NCOR1: variants seen among roughly 807,000 people sequenced by gnomAD.
NCOR1 encodes the protein nuclear receptor corepressor 1.
A neutral mutation model predicts 288.1 loss-of-function variants in NCOR1; 63 were observed. The ratio of observed to expected loss-of-function variants is 0.22; its 90% CI spans 0.18 to 0.27. The LOEUF (loss-of-function observed/expected upper bound fraction) is 0.27, where lower values mean the gene tolerates loss of function less well. Among genes scored for constraint, NCOR1 ranks in the 10% least tolerant of loss-of-function variants. The pLI is 1.00. For missense variants in NCOR1, 2,397 were observed against 3,019.2 expected (o/e 0.79, Z 4.83); for synonymous variants, 1,007 against 1,065.9 (o/e 0.94, Z 1.08).
intron 42 of NCOR1, among the ~76,000 whole-genome samples, chr17:16,043,594 G>A (rs966679016): frequency 6.6e-6 from 1 of 152,164 alleles, no homozygotes; most frequent in Non-Finnish European, 1.5e-5. Context: ...CTATAAAGTA[G>A]GCTTCTTCAG....
intron 3 of NCOR1, among the ~76,000 whole-genome samples, chr17:16,174,762 A>G (rs1474526943): frequency 6.6e-6 from 1 of 152,348 alleles, no homozygotes; most frequent in African/African-American, 2.4e-5. Context: ...GAAATCTCCA[A>G]TTTAAATTAA....
rs1213293112 is a variant in NCOR1 at position 16,211,749 on chromosome 17, A to G, written c.-71+3613T>C. Among the ~76,000 whole-genome samples, 4 of 152,164 alleles carry G rather than the reference A, an allele frequency of 2.6e-5. No individual in the cohort carries two copies. The East Asian group carries it at 7.7e-4, about 29-fold the overall frequency. On this transcript the variant is annotated intron_variant, in intron 1 of 45. Transcript: ENST00000268712. ...TTTTGACCACACAAGCTACTGGGGT[A>G]GGAAAAAAATGGTAGAAGAACAGTA...
intron 20 of NCOR1, among the ~76,000 whole-genome samples, chr17:16,099,664 G>A (rs1224333696): frequency 6.6e-6 from 1 of 152,090 alleles, no homozygotes; most frequent in African/African-American, 2.4e-5. Context: ...TCCTTATTTA[G>A]ATGAGATGTT....
At chr17:16,200,495 C>CAAAAA (rs55957034) in intron 1 of NCOR1, among the ~76,000 whole-genome samples, 1 of 60,694 alleles carries the variant, frequency 1.6e-5, no homozygotes, top group Non-Finnish European at 2.8e-5. Context: ...GACTCCATCT[C>CAAAAA]AAAAAAAAAA....
At chr17:16,181,236 T>A (rs996992281) in intron 3 of NCOR1, among the ~76,000 whole-genome samples, 91 of 151,646 alleles carry the variant, frequency 6.0e-4, no homozygotes, top group Non-Finnish European at 9.4e-4. Flanking sequence ...TGTGTGTGTG[T>A]GTGTGTGTGT....
chr17:16,040,651 T>A (rs1278156729), intron 42 of NCOR1, 157 bp from the exon 43 acceptor site: 2 of 729,492 alleles, frequency 2.7e-6, no homozygotes, highest in South Asian at 3.2e-5. Flanking sequence ...TGGAAGTATT[T>A]TTTTTTTTTG....
intron 1 of NCOR1, among the ~76,000 whole-genome samples, chr17:16,212,298 C>G (rs1366184559): frequency 6.6e-6 from 1 of 151,898 alleles, no homozygotes; most frequent in African/African-American, 2.4e-5. Context: ...AAAAGATAAT[C>G]TATAGACTGA....
chr17:16,086,749 TCA>T (rs2064293929), intron 22 of NCOR1, among the ~76,000 whole-genome samples: 2 of 152,218 alleles, frequency 1.3e-5, no homozygotes, highest in African/African-American at 4.8e-5. Context: ...CTCTCGCCAA[TCA>T]CTCTTAGGGT....
chr17:16,193,693 T>A (rs1427801830), intron 2 of NCOR1, among the ~76,000 whole-genome samples: 1 of 152,066 alleles, frequency 6.6e-6, no homozygotes, highest in African/African-American at 2.4e-5. Context: ...AAAAAAGGCA[T>A]CAACAAAAAC....
intron 31 of NCOR1, among the ~76,000 whole-genome samples, chr17:16,068,848 G>C (rs1275550173): frequency 2.6e-5 from 4 of 151,722 alleles, no homozygotes; most frequent in Admixed American, 2.0e-4. Flanking sequence ...CAAGTAGCTG[G>C]GACTACAGGA....
chr17:16,057,668 T>C lies in NCOR1; in HGVS notation c.6238A>G (p.Thr2080Ala), dbSNP rs138266823. The C allele has an allele frequency of 4.3e-5, 69 of 1,613,946 alleles. No individual in the cohort carries two copies. Among genetic ancestry groups the C allele is most frequent in the Admixed American group, 2.0e-4 (12 of 59,984 alleles). ...AAAGCAGAAGGTGAGTTCTGGAATG[T>C]AGAAGTAGGAGGCTGCTGGGGAGTC... ...SQTPQQPPTS[T>A]FQNSPSALVS... The change falls in exon 40 of 46, where the codon ACA becomes GCA. Residue 2080 changes from threonine to alanine, a missense_variant. By Grantham distance (58) the Thr-to-Ala change is moderately conservative. This residue lies in a region of NCOR1 where 1,872 missense variants were observed against 2,187.8 expected (regional missense o/e 0.86). Transcript: ENST00000268712.
chr17:16,064,110 C>G lies in NCOR1; in HGVS notation c.5179G>C (p.Glu1727Gln). 6.2e-7 allele frequency: 1 copy of G among 1,614,124 alleles called. No individual in the cohort carries two copies. Among genetic ancestry groups the G allele is most frequent in the South Asian group, 1.1e-5 (1 of 91,076 alleles). The change falls in exon 35 of 46, where the codon GAA becomes CAA. Residue 1727 changes from glutamate (E) to glutamine (Q), a missense_variant. This residue lies in a region of NCOR1 where 1,872 missense variants were observed against 2,187.8 expected (regional missense o/e 0.86). Coordinates refer to ENST00000268712, the MANE Select transcript of NCOR1 (RefSeq NM_006311.4). ...EREREKERER[E>Q]RIAAASSDLY... ...TCGGAGGAAGCTGCAGCAATCCGTT[C>G]CCGCTCCCGCTCCTTCTCCCGCTCC...
chr17:16,208,035 CTTTTTTTTTTTTTTT>C (rs71150278), intron 1 of NCOR1, among the ~76,000 whole-genome samples: 1 of 72,570 alleles, frequency 1.4e-5, no homozygotes, highest in African/African-American at 5.5e-5. Context: ...ATATTTCTTT[CTTTTTTTTTTTTTTT>C]TTTTTTTTTG....
Position 16,030,295 on chromosome 17 carries a change from C to A in NCOR1, c.*2001G>T. On this transcript the variant is annotated 3_prime_UTR_variant, in exon 46 of 46. Coordinates refer to ENST00000268712, the MANE Select transcript of NCOR1 (RefSeq NM_006311.4). ...GATGAGAAGGGGTTGGTCTTGCTAT[C>A]TTGGGTGGCAGAGGTGGAAGAAAAT... 1 of 224,864 alleles carries A rather than the reference C, an allele frequency of 4.4e-6. No individual in the cohort carries two copies. The highest frequency in any genetic ancestry group is 6.4e-5 in the East Asian group (1 of 15,658). The allele number at this position is 224,864 out of a possible 1,614,324, so 13.9% of individuals were successfully genotyped here.
In NCOR1 at chr17:16,101,297, G is replaced by C. The variant is rs549743825; in HGVS notation, c.2643C>G (p.Ala881=). 8.1e-6 allele frequency: 13 copies of C among 1,613,078 alleles called. No individual in the cohort carries two copies. Among genetic ancestry groups the C allele is most frequent in the Non-Finnish European group, 1.0e-5 (12 of 1,179,446 alleles). The change falls in exon 20 of 46, where the codon GCC becomes GCG. Residue 881 remains alanine (A), a synonymous_variant. Transcript: ENST00000268712. Reference sequence around the variant, plus strand: ...CCACATCCTCATCAGCGCTGCACGTGGCACTGGAATCATTGTCTGACTGGG... The same window carrying C: ...CCACATCCTCATCAGCGCTGCACGTCGCACTGGAATCATTGTCTGACTGGG... ...PEPQSDNDSS[A]TCSADEDVDG...
chr17:16,108,791 C>A lies in NCOR1; in HGVS notation c.2177G>T (p.Ser726Ile). The change falls in exon 19 of 46, where the codon AGC becomes ATC. Residue 726 changes from serine (S) to isoleucine (I), a missense_variant. Coordinates refer to ENST00000268712, the MANE Select transcript of NCOR1 (RefSeq NM_006311.4). Reference protein sequence around the residue: ...ASNEEENPEDSEVEAVKPSED... With the variant: ...ASNEEENPEDIEVEAVKPSED... Reference sequence around the variant, plus strand: ...AATTTAAAATTTTGAGATACCTTCGCTGTCTTCTGGATTTTCTTCTTCATT... The same window carrying A: ...AATTTAAAATTTTGAGATACCTTCGATGTCTTCTGGATTTTCTTCTTCATT... The A allele has an allele frequency of 6.3e-7, 1 of 1,592,032 alleles. No individual in the cohort carries two copies. Among genetic ancestry groups the A allele is most frequent in the South Asian group, 1.2e-5 (1 of 86,358 alleles).
rs1555667909 is a variant in NCOR1, at chr17:16,114,160, A to AC, written c.2055+3727_2055+3728insG. The stretch of plus-strand genomic sequence containing the variant: ...GCGGCAGGCAAAAAAAAAAAAAAAA[A>AC]AAAAAAAAACTTGTGCAGGGGAACT... On this transcript the variant is annotated intron_variant, in intron 18 of 45. Transcript: ENST00000268712. 8.0e-3 allele frequency among the ~76,000 whole-genome samples: 853 copies of AC among 106,922 alleles called. 76 individuals carry two copies. Among genetic ancestry groups the AC allele is most frequent in the African/African-American group, 0.026 (820 of 31,946 alleles). 70.1% of individuals were successfully genotyped at this position (106,922 alleles called of 152,430 possible).
intron 1 of NCOR1, among the ~76,000 whole-genome samples, chr17:16,215,119 C>CT (rs2092443327): frequency 6.6e-6 from 1 of 152,214 alleles, no homozygotes; most frequent in South Asian, 2.1e-4. Flanking sequence ...ACAGCCCATT[C>CT]TTCCTCCAAA....
intron 31 of NCOR1, among the ~76,000 whole-genome samples, chr17:16,068,952 T>A (rs1659124313): frequency 6.6e-6 from 1 of 152,102 alleles, no homozygotes; most frequent in Non-Finnish European, 1.5e-5. Context: ...CCTGACCTCA[T>A]GATCCGCCCG....
Sources: allele counts gnomAD v4.1 joint callset (sites outside exome capture counted in the v4.1 genomes callset), GRCh38; gene constraint gnomAD v4.1.1; regional missense constraint gnomAD v4.1.1; transcripts MANE v1.5; gene names NCBI Gene and HGNC (gene_info 2026-07-23, HGNC 2026-07-21).